Variants in ZNF184 observed in about 807,000 individuals in gnomAD.
ZNF184 encodes the protein zinc finger protein 184, also known as zinc finger protein 184 (Kruppel-like).
In ZNF184, 16 loss-of-function variants were observed where a neutral mutation model predicts 54.4. That is an observed-to-expected ratio of 0.29 (90% confidence interval 0.20 to 0.45). The LOEUF (loss-of-function observed/expected upper bound fraction) is 0.45, where lower values mean the gene tolerates loss of function less well. Among genes scored for constraint, ZNF184 ranks in the 20% least tolerant of loss-of-function variants. ZNF184 has a pLI of 1.00. For synonymous variants in ZNF184, 254 were observed against 295.3 expected (o/e 0.86, Z 1.43); for missense variants, 681 against 888.2 (o/e 0.77, Z 2.97).
intron 5 of ZNF184, among the ~76,000 whole-genome samples, chr6:27,454,452 T>C (rs973062695): frequency 6.6e-6 from 1 of 152,224 alleles, no homozygotes; most frequent in Non-Finnish European, 1.5e-5. Context: ...AACAGCCGAT[T>C]GTTCAAGAAA....
the ZNF184 span, among the ~76,000 whole-genome samples, chr6:27,445,627 G>A: frequency 6.7e-6 from 1 of 148,756 alleles, no homozygotes; most frequent in African/African-American, 2.5e-5. Flanking sequence ...CCATTTGTTG[G>A]TGCCATGCAT....
At chr6:27,439,565 A>ATACC in the ZNF184 span, among the ~76,000 whole-genome samples, 1 of 152,210 alleles carries the variant, frequency 6.6e-6, no homozygotes, top group Non-Finnish European at 1.5e-5. Flanking sequence ...CTGTGTCACA[A>ATACC]TACCTACATC....
At chr6:27,456,309 G>C (rs947728390) in intron 5 of ZNF184, among the ~76,000 whole-genome samples, 9 of 152,140 alleles carry the variant, frequency 5.9e-5, no homozygotes, top group Non-Finnish European at 1.2e-4. Flanking sequence ...GTAAGAATTA[G>C]GTGATAAAGA....
At chr6:27,418,058 T>C in the ZNF184 span, among the ~76,000 whole-genome samples, 4 of 152,304 alleles carry the variant, frequency 2.6e-5, no homozygotes, top group Middle Eastern at 0.01. Flanking sequence ...CAACTCACAA[T>C]AGCAAACCTC....
chr6:27,409,589 C>G, the ZNF184 span, among the ~76,000 whole-genome samples: 1 of 148,998 alleles, frequency 6.7e-6, no homozygotes. Flanking sequence ...AGTATTTGTA[C>G]AGTCAGAGCT....
intron 3 of ZNF184, among the ~76,000 whole-genome samples, chr6:27,459,975 C>G (rs1383037992): frequency 6.6e-6 from 1 of 152,076 alleles, no homozygotes; most frequent in African/African-American, 2.4e-5. Context: ...CCAGCCTGCG[C>G]AACACAGTGA....
the ZNF184 span, among the ~76,000 whole-genome samples, chr6:27,423,893 G>A: frequency 5.9e-5 from 9 of 152,192 alleles, no homozygotes; most frequent in African/African-American, 2.2e-4. Context: ...TTCTTTGCAG[G>A]CTTTCTGTTT....
At chr6:27,446,594 C>T (rs73391323), downstream of ZNF184, among the ~76,000 whole-genome samples, 1,579 of 152,242 alleles carry the variant, frequency 0.01, 26 homozygotes, top group African/African-American at 0.035. Flanking sequence ...AGTGGAAATG[C>T]GGGGTCAGAG....
the ZNF184 span, among the ~76,000 whole-genome samples, chr6:27,417,546 T>C: frequency 1.3e-5 from 2 of 152,188 alleles, no homozygotes; most frequent in Non-Finnish European, 2.9e-5. Context: ...CTCAGAACTT[T>C]GAGAAATCCT....
At chr6:27,433,092 G>A in the ZNF184 span, among the ~76,000 whole-genome samples, 1 of 152,202 alleles carries the variant, frequency 6.6e-6, no homozygotes, top group Non-Finnish European at 1.5e-5. Flanking sequence ...CTGAGCACCA[G>A]ACAGACATCA....
chr6:27,463,058 T>TA (rs755524386), intron 3 of ZNF184, among the ~76,000 whole-genome samples: 38 of 56,720 alleles, frequency 6.7e-4, no homozygotes, highest in South Asian at 4.3e-3. Context: ...GAAAGACATT[T>TA]AAAAAAAAAA....
rs1207948080 is a variant in ZNF184, at chr6:27,467,778, A to G, written c.75+75T>C. ...CCAACATTGATTTTTGGATAAATAG[A>G]AAAAACAAAACAAAACAAAAAACCA... On this transcript the variant is annotated intron_variant, in intron 3 of 5. Coordinates refer to ENST00000683788, the MANE Select transcript of ZNF184 (RefSeq NM_001318891.2). 4.9e-6 allele frequency: 7 copies of G among 1,431,668 alleles called. No individual in the cohort carries two copies. The East Asian group carries it at 1.2e-4, about 24-fold the overall frequency. The allele number at this position is 1,431,668 out of a possible 1,614,324, so 88.7% of individuals were successfully genotyped here. A position where few individuals can be genotyped will look rare whatever the true frequency, so the allele number is the denominator to read the frequency against.
the ZNF184 span, among the ~76,000 whole-genome samples, chr6:27,410,267 C>G: frequency 6.6e-6 from 1 of 152,294 alleles, no homozygotes; most frequent in African/African-American, 2.4e-5. Context: ...ATGACTTACA[C>G]AGGGACCAGG....
intron 2 of ZNF184, among the ~76,000 whole-genome samples, chr6:27,470,017 C>A (rs1205173949): frequency 6.6e-6 from 1 of 152,120 alleles, no homozygotes; most frequent in Non-Finnish European, 1.5e-5. Flanking sequence ...CACTAAGGTG[C>A]AAGGGCAATC....
downstream of ZNF184, among the ~76,000 whole-genome samples, chr6:27,447,044 C>T (rs535838976): frequency 8.4e-5 from 12 of 143,000 alleles, no homozygotes; most frequent in Non-Finnish European, 1.2e-4. Flanking sequence ...ACTCAGAAGG[C>T]TGAGGCAGGA....
chr6:27,442,847 AAAG>A, the ZNF184 span, among the ~76,000 whole-genome samples: 7,747 of 83,690 alleles, frequency 0.093, 1,405 homozygotes, highest in Middle Eastern at 0.26. Context: ...AGAAAGAAAG[AAAG>A]AAAGAAAGAA....
the ZNF184 span, chr6:27,404,578 A>G: frequency 6.6e-6 from 1 of 152,268 alleles, no homozygotes; most frequent in Non-Finnish European, 1.5e-5. Context: ...ATTTTGGTCA[A>G]TAATGGACTG....
chr6:27,449,460 A>G (rs1483381895), downstream of ZNF184, among the ~76,000 whole-genome samples: 1 of 152,174 alleles, frequency 6.6e-6, no homozygotes, highest in Non-Finnish European at 1.5e-5. Flanking sequence ...TCTCCCTTCG[A>G]TTTTAATTTG....
Position 27,452,307 on chromosome 6 carries a change from A to G in ZNF184, c.1252T>C (p.Tyr418His). 1 of 1,614,100 alleles carries G rather than the reference A, an allele frequency of 6.2e-7. No individual in the cohort carries two copies. The highest frequency in any genetic ancestry group is 1.3e-5 in the African/African-American group (1 of 75,008). The stretch of plus-strand genomic sequence containing the variant: ...GCTTTCCCACATTCATTGCATTCGT[A>G]CGGTTTTTCACCAGTATGAATCATA... ...HHMIHTGEKP[Y>H]ECNECGKAFS... The change falls in exon 6 of 6, where the codon TAC becomes CAC. Residue 418 changes from tyrosine (Y) to histidine (H), a missense_variant. By Grantham distance (83) the Tyr-to-His change is moderately conservative. Coordinates refer to ENST00000683788, the MANE Select transcript of ZNF184 (RefSeq NM_001318891.2). The surrounding 1 kb of genome is among the most constrained non-coding windows in gnomAD (Gnocchi z 5.5).
Sources: allele counts gnomAD v4.1 joint callset (sites outside exome capture counted in the v4.1 genomes callset), GRCh38; gene constraint gnomAD v4.1.1; non-coding constraint Gnocchi (gnomAD v3.1); transcripts MANE v1.5; gene names NCBI Gene and HGNC (gene_info 2026-07-23, HGNC 2026-07-21).